The following MYO9B variants were observed in gnomAD, a reference collection of about 807,000 sequenced individuals.
The protein encoded by MYO9B is unconventional myosin-IXb.
In MYO9B, 71 loss-of-function variants were observed where a neutral mutation model predicts 229.5. The observed-to-expected ratio is 0.31, with a 90% confidence interval of 0.26 to 0.38. The LOEUF is 0.38. Ranked by LOEUF, MYO9B falls within the 10% of genes least tolerant of loss-of-function variation. The pLI is 1.00. For synonymous variants in MYO9B, 1,185 were observed against 1,235.8 expected, an observed-to-expected ratio of 0.96 and a Z score of 0.86; for missense variants, 2,255 against 2,920.5, an observed-to-expected ratio of 0.77 and a Z score of 5.25.
Position 17,180,980 on chromosome 19 carries a change from A to G in MYO9B, c.2273A>G (p.Glu758Gly), listed in dbSNP as rs1217545521. The change falls in exon 15 of 40, where the codon GAG becomes GGG. Residue 758 changes from glutamate (E) to glycine (G), a missense_variant. Transcript: ENST00000682292. ...ATCAAAGGATTGCCCTGGCAGGGCG[A>G]GGACCCCCGTAGCCTTCTCCAGTCC... ...KSIKGLPWQG[E>G]DPRSLLQSLS... 6.2e-7 allele frequency: 1 copy of G among 1,611,322 alleles called. No individual in the cohort carries two copies. The highest frequency in any genetic ancestry group is 8.5e-7 in the Non-Finnish European group (1 of 1,179,020).
At position 17,212,065 on chromosome 19, in the gene MYO9B, C is replaced by T; in HGVS notation, c.6229C>T (p.Pro2077Ser). 1 of 1,601,606 alleles carries T rather than the reference C, an allele frequency of 6.2e-7. No individual in the cohort carries two copies. The highest frequency in any genetic ancestry group is 8.5e-7 in the Non-Finnish European group (1 of 1,175,178). Residue 2077 changes from proline (P) to serine (S), a missense_variant, in exon 40 of 40, where the codon CCC becomes TCC. Physicochemically the swap from Pro to Ser is moderately conservative, Grantham distance 74. Around this residue, in one of 7 missense-constraint regions of MYO9B, gnomAD observed 331 missense variants for 332.5 expected, o/e 1.00. Coordinates refer to ENST00000682292, the MANE Select transcript of MYO9B (RefSeq NM_004145.4). The surrounding 1 kb of genome is among the most constrained non-coding windows in gnomAD (Gnocchi z 5.4). ...CAACATCAAGCTCCCACCAGGCCTG[C>T]CCTCCCACCTGCCTCGCTGGGCACC... Reference protein sequence around the residue: ...TANIKLPPGLPSHLPRWAPGA... With the variant: ...TANIKLPPGLSSHLPRWAPGA...
intron 16 of MYO9B, chr19:17,184,590 C>T: frequency 2.6e-6 from 1 of 390,966 alleles, no homozygotes; most frequent in Non-Finnish European, 4.8e-6. Flanking sequence ...GGCTTCCTCT[C>T]TAACCCAGAG....
intron 3 of MYO9B, among the ~76,000 whole-genome samples, chr19:17,146,240 T>C (rs1354185647): frequency 6.6e-6 from 1 of 151,484 alleles, no homozygotes; most frequent in African/African-American, 2.4e-5. Context: ...GGGGAGTAGA[T>C]TCATGGGTGG....
rs1388862811 is a variant in MYO9B at position 17,075,849 on chromosome 19, C to A, written c.-84C>A. The A allele has an allele frequency of 1.3e-5, 2 of 150,228 alleles. No homozygotes were observed. The highest frequency in any genetic ancestry group is 4.9e-5 in the African/African-American group (2 of 41,140). 9.3% of individuals were successfully genotyped at this position (150,228 alleles called of 1,614,324 possible). On this transcript the variant is annotated 5_prime_UTR_variant, in exon 1 of 40. Transcript: ENST00000682292. ...TCCGGCCGGGGACCCGGCCCGGGAC[C>A]GGCGGCGCGCGGCGGCCGAGGCCAG...
chr19:17,080,504 T>A (rs1011233168), intron 1 of MYO9B, among the ~76,000 whole-genome samples: 1 of 152,124 alleles, frequency 6.6e-6, no homozygotes, highest in African/African-American at 2.4e-5. Context: ...TTTCCTCTTA[T>A]GAGGACAGCA....
chr19:17,116,566 TCCCAGCCCTG>T (rs2057905894), intron 2 of MYO9B, among the ~76,000 whole-genome samples: 1 of 152,112 alleles, frequency 6.6e-6, no homozygotes, highest in African/African-American at 2.4e-5. Flanking sequence ...CCGGCAGCAT[TCCCAGCCCTG>T]GTGCCTTTTC....
At position 17,110,911 on chromosome 19, in the gene MYO9B, C is replaced by T. The variant is rs999733559; in HGVS notation, c.840+8354C>T. On this transcript the variant is annotated intron_variant, in intron 2 of 39. Transcript: ENST00000682292. Reference sequence around the variant, plus strand: ...ACCTAGGACTCGTACCCACCTGGACCGGGTCCTGAGCTCCTCCTTAGGGGC... The same window carrying T: ...ACCTAGGACTCGTACCCACCTGGACTGGGTCCTGAGCTCCTCCTTAGGGGC... 3.9e-5 allele frequency among the ~76,000 whole-genome samples: 6 copies of T among 152,110 alleles called. No homozygotes were observed. In the East Asian group the frequency reaches 9.6e-4, roughly 24 times the overall value.
At position 17,202,033 on chromosome 19, in the gene MYO9B, C is replaced by T. The variant is rs767655269; in HGVS notation, c.4662+9C>T. On this transcript the variant is annotated intron_variant, in intron 27 of 39. Transcript: ENST00000682292. ...CGATGTACTCTGTCCCGGTATGTGG[C>T]GGCCCGGCCTTCAGCCTTTCCCATA... 1.2e-5 allele frequency: 19 copies of T among 1,611,622 alleles called. 1 individual carries two copies. In the South Asian group the frequency reaches 1.4e-4, roughly 12 times the overall value.
In MYO9B at chr19:17,193,737, G is replaced by A. The variant is rs1163768484; in HGVS notation, c.3128+675G>A. ...TACACAAAATTAAAGACTTAGCCAG[G>A]TGTGGTGGTACACACCTGTAGTCCC... On this transcript the variant is annotated intron_variant, in intron 21 of 39. Transcript: ENST00000682292. This position sits in a 1 kb window ranked among gnomAD's most constrained non-coding sequence, Gnocchi z 4.3. 6.6e-6 allele frequency among the ~76,000 whole-genome samples: 1 copy of A among 152,134 alleles called. No homozygotes were observed. Among genetic ancestry groups the A allele is most frequent in the East Asian group, 1.9e-4 (1 of 5,182 alleles).
rs536444191 is a variant in MYO9B, at chr19:17,156,741, T to A, written c.1200-168T>A. Among the ~76,000 whole-genome samples, 3 of 152,230 alleles carry A rather than the reference T, an allele frequency of 2.0e-5. No homozygotes were observed. The South Asian group carries it at 6.2e-4, about 32-fold the overall frequency. ...AGGAAAAAGATAACTGTCTGCAAAGTCACATTCCACAGAGGCCATCCTCAA... is the reference window on the plus strand; with the variant it reads ...AGGAAAAAGATAACTGTCTGCAAAGACACATTCCACAGAGGCCATCCTCAA... On this transcript the variant is annotated intron_variant, in intron 6 of 39. Coordinates refer to ENST00000682292, the MANE Select transcript of MYO9B (RefSeq NM_004145.4).
intron 2 of MYO9B, among the ~76,000 whole-genome samples, chr19:17,125,529 A>G (rs1055152769): frequency 1.3e-5 from 2 of 152,098 alleles, no homozygotes; most frequent in African/African-American, 4.8e-5. Context: ...TTGTTATTTA[A>G]GGCTTCCCCT....
At chr19:17,175,823 T>TC in intron 14 of MYO9B, 82 bp downstream of exon 14, 2 of 800,918 alleles carry the variant, frequency 2.5e-6, no homozygotes, top group East Asian at 3.6e-5. Flanking sequence ...AATGCTACAT[T>TC]CTTTTTTTTT....
intron 9 of MYO9B, 88 bp downstream of exon 9, chr19:17,162,554 C>A: frequency 8.7e-7 from 1 of 1,147,028 alleles, no homozygotes; most frequent in Non-Finnish European, 1.2e-6. Flanking sequence ...CTGGAACATC[C>A]GGAGCCGAGG....
In MYO9B at chr19:17,210,697, C is replaced by T; in HGVS notation, c.5797-18C>T. On this transcript the variant is annotated intron_variant, in intron 37 of 39. Coordinates refer to ENST00000682292, the MANE Select transcript of MYO9B (RefSeq NM_004145.4). ...CCACTCAGAGATGTCAGTGGGACCCCTTGCTTCTTTGTTTCAGAACAAGAG... is the reference window on the plus strand; with the variant it reads ...CCACTCAGAGATGTCAGTGGGACCCTTTGCTTCTTTGTTTCAGAACAAGAG... 6 of 1,525,102 alleles carry T rather than the reference C, an allele frequency of 3.9e-6. No individual in the cohort carries two copies. Among genetic ancestry groups the T allele is most frequent in the Non-Finnish European group, 5.3e-6 (6 of 1,134,846 alleles). The allele number at this position is 1,525,102 out of a possible 1,614,324, so 94.5% of individuals were successfully genotyped here.
At chr19:17,209,869 C>T (rs1472214050) in intron 36 of MYO9B, among the ~76,000 whole-genome samples, 160 bp downstream of exon 36, 3 of 151,820 alleles carry the variant, frequency 2.0e-5, no homozygotes, top group African/African-American at 4.8e-5. Flanking sequence ...AGGATGGGAC[C>T]GGGTAGTGGG....
At chr19:17,168,437 A>G (rs2072684625) in intron 11 of MYO9B, among the ~76,000 whole-genome samples, 1 of 152,176 alleles carries the variant, frequency 6.6e-6, no homozygotes, top group Non-Finnish European at 1.5e-5. Context: ...GAGTACTGGG[A>G]TTACAGGCGT....
At chr19:17,086,528 C>T (rs1488028165) in intron 1 of MYO9B, among the ~76,000 whole-genome samples, 1 of 152,218 alleles carries the variant, frequency 6.6e-6, no homozygotes, top group Non-Finnish European at 1.5e-5. Context: ...CACTGAGTGG[C>T]ATTCCTGGCC....
chr19:17,086,879 C>A (rs1315420169), intron 1 of MYO9B, among the ~76,000 whole-genome samples: 8 of 146,050 alleles, frequency 5.5e-5, no homozygotes, highest in Admixed American at 1.4e-4. Context: ...GACTTCGTCT[C>A]AAAAAAAAAA....
At chr19:17,084,856 G>A (rs1264709767) in intron 1 of MYO9B, among the ~76,000 whole-genome samples, 1 of 152,082 alleles carries the variant, frequency 6.6e-6, no homozygotes, top group Non-Finnish European at 1.5e-5. Context: ...AGTGAGCCAA[G>A]ATCATGCCAC....
Sources: allele counts gnomAD v4.1 joint callset (sites outside exome capture counted in the v4.1 genomes callset), GRCh38; gene constraint gnomAD v4.1.1; regional missense constraint gnomAD v4.1.1; non-coding constraint Gnocchi (gnomAD v3.1); transcripts MANE v1.5; gene names NCBI Gene and HGNC (gene_info 2026-07-23, HGNC 2026-07-21).